DPP10: variants seen among roughly 807,000 people sequenced by gnomAD.
DPP10 encodes the protein dipeptidyl peptidase like 10.
DPP10 carries 33 observed loss-of-function variants against 120.9 expected under a neutral mutation model. That is an observed-to-expected ratio of 0.27 (90% confidence interval 0.21 to 0.37). The LOEUF is 0.37. Ranked by LOEUF, DPP10 falls within the 10% of genes least tolerant of loss-of-function variation. DPP10 has a pLI of 1.00. For missense variants in DPP10, 816 were observed against 942.8 expected, an observed-to-expected ratio of 0.87 and a Z score of 1.76; for synonymous variants, 337 against 326.1, an observed-to-expected ratio of 1.03 and a Z score of -0.36.
At chr2:114,654,957 T>C (rs528255399) in intron 1 of DPP10, among the ~76,000 whole-genome samples, 1 of 152,330 alleles carries the variant, frequency 6.6e-6, no homozygotes, top group South Asian at 2.1e-4. Context: ...TAATTTGGGT[T>C]CCATTTTTTC....
intron 1 of DPP10, among the ~76,000 whole-genome samples, chr2:114,911,546 G>T (rs549064336): frequency 1.3e-5 from 2 of 152,254 alleles, no homozygotes; most frequent in East Asian, 3.9e-4. Context: ...AAAAATACAG[G>T]TATCTACTTT....
At chr2:114,736,148 A>G (rs1677410113) in intron 1 of DPP10, among the ~76,000 whole-genome samples, 1 of 151,930 alleles carries the variant, frequency 6.6e-6, no homozygotes, top group Non-Finnish European at 1.5e-5. Flanking sequence ...TGAGGAATCC[A>G]TGTCCTCCTT....
intron 5 of DPP10, among the ~76,000 whole-genome samples, chr2:115,611,342 T>G (rs879695305): frequency 5.3e-5 from 8 of 152,200 alleles, no homozygotes; most frequent in African/African-American, 1.4e-4. Flanking sequence ...TAAATTACTA[T>G]CTTCAAGGGA....
At chr2:114,768,993 G>GAAT (rs1680998157) in intron 1 of DPP10, among the ~76,000 whole-genome samples, 1 of 152,042 alleles carries the variant, frequency 6.6e-6, no homozygotes, top group Non-Finnish European at 1.5e-5. Context: ...AGGGCAATGG[G>GAAT]GAACCTCTTA....
intron 1 of DPP10, among the ~76,000 whole-genome samples, chr2:115,012,054 C>A (rs1156581459): frequency 6.6e-6 from 1 of 152,050 alleles, no homozygotes; most frequent in East Asian, 1.9e-4. Context: ...TAAGCAGAGG[C>A]AGCCATAATC....
At chr2:115,340,486 T>A (rs944973615) in intron 2 of DPP10, among the ~76,000 whole-genome samples, 1 of 151,970 alleles carries the variant, frequency 6.6e-6, no homozygotes, top group Non-Finnish European at 1.5e-5. Flanking sequence ...CTGTTGTGTG[T>A]ATGTATATTA....
intron 1 of DPP10, among the ~76,000 whole-genome samples, chr2:115,280,232 G>A (rs1204961229): frequency 2.0e-5 from 3 of 152,072 alleles, no homozygotes; most frequent in Non-Finnish European, 2.9e-5. Context: ...TTTTGCAAAG[G>A]TATGGACAAA....
intron 7 of DPP10, among the ~76,000 whole-genome samples, chr2:115,719,732 A>T (rs973201163): frequency 5.3e-5 from 8 of 152,200 alleles, no homozygotes; most frequent in African/African-American, 1.9e-4. Context: ...TGAAGTATAA[A>T]TGCTGATATA....
At chr2:115,390,660 G>T (rs1013690864) in intron 3 of DPP10, among the ~76,000 whole-genome samples, 1 of 152,058 alleles carries the variant, frequency 6.6e-6, no homozygotes, top group Non-Finnish European at 1.5e-5. Context: ...CAAAGCCTCT[G>T]TTTACATTTA....
intron 19 of DPP10, 146 bp from the exon 20 acceptor site, chr2:115,814,647 A>T: frequency 3.7e-6 from 2 of 533,916 alleles, no homozygotes; most frequent in Non-Finnish European, 5.9e-6. Context: ...TTGTAATTTT[A>T]CCTTCAGGTT....
chr2:115,243,410 C>T (rs1003417520), intron 1 of DPP10, among the ~76,000 whole-genome samples: 2 of 152,034 alleles, frequency 1.3e-5, no homozygotes, highest in Non-Finnish European at 2.9e-5. Flanking sequence ...TAAAATAAAA[C>T]TATGCTTAGC....
At chr2:114,758,478 T>C (rs1032513092) in intron 1 of DPP10, among the ~76,000 whole-genome samples, 5 of 152,222 alleles carry the variant, frequency 3.3e-5, no homozygotes, top group African/African-American at 4.8e-5. Flanking sequence ...CCCCTCCTCA[T>C]TGCGTAGCTT....
At chr2:114,596,780 C>T (rs1161425571) in intron 1 of DPP10, among the ~76,000 whole-genome samples, 1 of 151,964 alleles carries the variant, frequency 6.6e-6, no homozygotes, top group African/African-American at 2.4e-5. Context: ...ATCAGTAAGT[C>T]ATGATTTGGT....
intron 15 of DPP10, among the ~76,000 whole-genome samples, chr2:115,778,243 AAC>A (rs1427650370): frequency 1.3e-5 from 2 of 152,040 alleles, no homozygotes; most frequent in East Asian, 3.9e-4. Context: ...TGTTGTTGTG[AAC>A]AGTTAGTCTA....
chr2:115,091,736 C>T (rs553658377), intron 1 of DPP10, among the ~76,000 whole-genome samples: 2 of 152,214 alleles, frequency 1.3e-5, no homozygotes, highest in South Asian at 4.1e-4. Context: ...CACGGAAGAC[C>T]CTCATTTTGG....
chr2:115,136,088 A>G (rs193004274), intron 1 of DPP10, among the ~76,000 whole-genome samples: 18 of 152,258 alleles, frequency 1.2e-4, no homozygotes, highest in South Asian at 6.2e-4. Flanking sequence ...AAGAAAAAAG[A>G]GATGTCTTGA....
At chr2:115,174,919 G>A (rs959827908) in intron 1 of DPP10, among the ~76,000 whole-genome samples, 3 of 152,210 alleles carry the variant, frequency 2.0e-5, no homozygotes, top group Non-Finnish European at 4.4e-5. Flanking sequence ...TGATGCAGGT[G>A]TCTATGAAGG....
In DPP10 at chr2:115,219,112, A is replaced by G. The variant is rs555684247; in HGVS notation, c.61-90127A>G. Among the ~76,000 whole-genome samples, 4 of 152,250 alleles carry G rather than the reference A, an allele frequency of 2.6e-5. No homozygotes were observed. The South Asian group carries it at 6.2e-4, about 24-fold the overall frequency. On this transcript the variant is annotated intron_variant, in intron 1 of 25. Transcript: ENST00000410059. ...TAATAAACAGAGGCACAGAAAGTTC[A>G]GAGTTACATTTGAATGAAATAACAT...
intron 1 of DPP10, among the ~76,000 whole-genome samples, chr2:115,015,805 C>A (rs964115244): frequency 6.6e-6 from 1 of 152,056 alleles, no homozygotes; most frequent in Non-Finnish European, 1.5e-5. Flanking sequence ...ATGTGAAGGA[C>A]CTCTTCAAAG....
Sources: gnomAD v4.1 joint callset for allele counts (sites outside exome capture counted in the v4.1 genomes callset) on GRCh38, gnomAD v4.1.1 for gene constraint, MANE v1.5 for transcripts, NCBI Gene and HGNC (gene_info 2026-07-23, HGNC 2026-07-21) for gene names.